Variants in FAM219A observed in about 807,000 individuals in gnomAD.
FAM219A encodes protein FAM219A.
FAM219A carries 7 observed loss-of-function variants against 23.4 expected under a neutral mutation model. That is an observed-to-expected ratio of 0.30 (90% CI 0.17 to 0.56). The LOEUF is 0.56. FAM219A is among the 20% of genes least tolerant of loss of function. The pLI is 0.92. For synonymous variants in FAM219A, 93 were observed against 99.0 expected (o/e 0.94, Z 0.36); for missense variants, 166 against 246.9 (o/e 0.67, Z 2.20).
At chr9:34,423,005 A>G (rs988794500) in intron 1 of FAM219A, among the ~76,000 whole-genome samples, 4 of 152,190 alleles carry the variant, frequency 2.6e-5, no homozygotes, top group Non-Finnish European at 4.4e-5. Flanking sequence ...ATTTCTACAG[A>G]AAAATTAAAG....
chr9:34,398,235 C>T lies in FAM219A; in HGVS notation c.*2729G>A. The T allele has an allele frequency of 6.5e-7, 1 of 1,540,308 alleles. No homozygotes were observed. The highest frequency in any genetic ancestry group is 2.4e-5 in the East Asian group (1 of 40,868). On this transcript the variant is annotated 3_prime_UTR_variant, in exon 6 of 6. Coordinates refer to ENST00000651358, the MANE Select transcript of FAM219A (RefSeq NM_001184940.2). ...TTATTTGTGTTACACGATACACAAC[C>T]AAGGATGATGGTCAATACTGCAATG... is the stretch of plus-strand genomic sequence containing the variant.
intron 1 of FAM219A, among the ~76,000 whole-genome samples, chr9:34,409,420 G>A (rs12342028): frequency 0.06 from 9,118 of 152,284 alleles, 651 homozygotes; most frequent in African/African-American, 0.16. Flanking sequence ...AAATCAGGGA[G>A]AATTTAAAGT....
Position 34,417,569 on chromosome 9 carries a change from T to G in FAM219A, c.61-11605A>C, listed in dbSNP as rs1822082574. ...TAGATTACTCAGTAAAAAACATGAG[T>G]GCTTTTAAGTTTCTTGATAGATATT... On this transcript the variant is annotated intron_variant, in intron 1 of 5. Transcript: ENST00000651358. This position sits in a 1 kb window ranked among gnomAD's most constrained non-coding sequence, Gnocchi z 4.1. 1.3e-5 allele frequency among the ~76,000 whole-genome samples: 2 copies of G among 152,300 alleles called. No homozygotes were observed. The highest frequency in any genetic ancestry group is 4.1e-4 in the South Asian group (2 of 4,826).
chr9:34,421,392 G>A lies in FAM219A; in HGVS notation c.61-15428C>T, dbSNP rs946550897. ...CCAGTTGCTGGTTATGCATCTCCATGGAAAACAATACTCAACTGCTAAGCT... is the reference window on the plus strand; with the variant it reads ...CCAGTTGCTGGTTATGCATCTCCATAGAAAACAATACTCAACTGCTAAGCT... On this transcript the variant is annotated intron_variant, in intron 1 of 5. Transcript: ENST00000651358. 4.6e-5 allele frequency among the ~76,000 whole-genome samples: 7 copies of A among 152,162 alleles called. No individual in the cohort carries two copies. The South Asian group carries it at 1.5e-3, about 32-fold the overall frequency.
At chr9:34,431,070 G>A (rs1343012126) in intron 1 of FAM219A, among the ~76,000 whole-genome samples, 1 of 152,168 alleles carries the variant, frequency 6.6e-6, no homozygotes, top group Non-Finnish European at 1.5e-5. Context: ...TGCTTGCTTG[G>A]ACCCATGGCC....
chr9:34,421,980 C>T (rs144348914), intron 1 of FAM219A, among the ~76,000 whole-genome samples: 20 of 152,164 alleles, frequency 1.3e-4, no homozygotes, highest in Admixed American at 3.3e-4. Context: ...AGCCTCTCTA[C>T]GCCCACACCA....
intron 1 of FAM219A, among the ~76,000 whole-genome samples, chr9:34,433,302 T>A (rs1822782593): frequency 6.6e-6 from 1 of 152,222 alleles, no homozygotes; most frequent in Non-Finnish European, 1.5e-5. Flanking sequence ...TTTGATCTAC[T>A]TCTTCCTCCT....
At chr9:34,452,289 A>G (rs1311582498) in intron 1 of FAM219A, among the ~76,000 whole-genome samples, 1 of 152,156 alleles carries the variant, frequency 6.6e-6, no homozygotes, top group Non-Finnish European at 1.5e-5. Context: ...TCACAACCCC[A>G]AGAATGTAGC....
chr9:34,402,520 G>T, intron 3 of FAM219A, 53 bp from the exon 4 acceptor site: 2 of 1,611,046 alleles, frequency 1.2e-6, no homozygotes, highest in South Asian at 2.2e-5. Flanking sequence ...TAGAAACCTG[G>T]CAAGGGACTG....
In FAM219A at chr9:34,400,788, T is replaced by G; in HGVS notation, c.*176A>C. ...CCCAGTTTTGGTTTCTCCAGCTCCA[T>G]GAACACACAGAGGTACACGTCCTAC... On this transcript the variant is annotated 3_prime_UTR_variant, in exon 6 of 6. Coordinates refer to ENST00000651358, the MANE Select transcript of FAM219A (RefSeq NM_001184940.2). 1 of 621,680 alleles carries G rather than the reference T, an allele frequency of 1.6e-6. No individual in the cohort carries two copies. The highest frequency in any genetic ancestry group is 2.5e-6 in the Non-Finnish European group (1 of 401,358). The allele number at this position is 621,680 out of a possible 1,614,324, so 38.5% of individuals were successfully genotyped here.
intron 1 of FAM219A, among the ~76,000 whole-genome samples, chr9:34,446,438 C>T (rs960477892): frequency 3.3e-5 from 5 of 152,186 alleles, no homozygotes; most frequent in East Asian, 1.9e-4. Flanking sequence ...TTCTTGGACA[C>T]GTTTATAGTA....
intron 1 of FAM219A, among the ~76,000 whole-genome samples, chr9:34,416,440 C>T (rs1822034883): frequency 6.6e-6 from 1 of 152,134 alleles, no homozygotes; most frequent in Non-Finnish European, 1.5e-5. Flanking sequence ...GCAACTAATA[C>T]ATGTGCATAG....
At chr9:34,413,230 G>T (rs140119684) in intron 1 of FAM219A, among the ~76,000 whole-genome samples, 2 of 151,514 alleles carry the variant, frequency 1.3e-5, no homozygotes, top group Non-Finnish European at 2.9e-5. Flanking sequence ...AGGCAGAAAG[G>T]GGGTGGAAAG....
At chr9:34,403,761 G>A (rs1274525265) in intron 2 of FAM219A, among the ~76,000 whole-genome samples, 3 of 152,184 alleles carry the variant, frequency 2.0e-5, no homozygotes, top group African/African-American at 7.2e-5. Flanking sequence ...GGACACTAGG[G>A]AAAATGACTC....
At chr9:34,416,854 T>C (rs1223001609) in intron 1 of FAM219A, among the ~76,000 whole-genome samples, 8 of 151,042 alleles carry the variant, frequency 5.3e-5, no homozygotes, top group Non-Finnish European at 1.0e-4. Flanking sequence ...GTCTTTCTTG[T>C]TGCTCAGGAT....
chr9:34,413,406 C>T (rs1227182144), intron 1 of FAM219A, among the ~76,000 whole-genome samples: 1 of 152,100 alleles, frequency 6.6e-6, no homozygotes, highest in Non-Finnish European at 1.5e-5. Context: ...ATGATCCAGT[C>T]CCGAGGATGA....
At chr9:34,442,001 G>T (rs1322940706) in intron 1 of FAM219A, among the ~76,000 whole-genome samples, 4 of 152,182 alleles carry the variant, frequency 2.6e-5, no homozygotes, top group African/African-American at 9.7e-5. Context: ...TGAATTACAG[G>T]CCACTATGCC....
chr9:34,399,339 C>T lies in FAM219A; in HGVS notation c.*1625G>A, dbSNP rs1010645841. The T allele has an allele frequency of 6.6e-6, 1 of 152,368 alleles. No individual in the cohort carries two copies. The highest frequency in any genetic ancestry group is 2.4e-5 in the African/African-American group (1 of 41,418). The allele number at this position is 152,368 out of a possible 1,614,324, so 9.4% of individuals were successfully genotyped here. A position where few individuals can be genotyped will look rare whatever the true frequency, so the allele number is the denominator to read the frequency against. ...CCCAGCCCCAGGGGTGGGCCTTCCT[C>T]ACCTCTTCCCTCTTGATTTTCAGTC... is the stretch of plus-strand genomic sequence containing the variant. On this transcript the variant is annotated 3_prime_UTR_variant, in exon 6 of 6. Coordinates refer to ENST00000651358, the MANE Select transcript of FAM219A (RefSeq NM_001184940.2).
At chr9:34,418,784 A>G (rs1196174538) in intron 1 of FAM219A, among the ~76,000 whole-genome samples, 1 of 152,120 alleles carries the variant, frequency 6.6e-6, no homozygotes, top group Admixed American at 6.5e-5. Context: ...CAATGGTTAA[A>G]ATTGGCCAGA....
Sources: gnomAD v4.1 joint callset for allele counts (sites outside exome capture counted in the v4.1 genomes callset) on GRCh38, gnomAD v4.1.1 for gene constraint, Gnocchi (gnomAD v3.1) non-coding constraint, MANE v1.5 for transcripts, NCBI Gene and HGNC (gene_info 2026-07-23, HGNC 2026-07-21) for gene names.